Variants in AAK1 observed in about 807,000 individuals in gnomAD.
The protein encoded by AAK1 is AP2 associated kinase 1.
In AAK1, 37 loss-of-function variants were observed where a neutral mutation model predicts 116.0. The observed-to-expected ratio is 0.32, with a 90% CI of 0.25 to 0.42. AAK1 has a LOEUF of 0.42. Ranked by LOEUF, AAK1 falls within the 10% of genes least tolerant of loss-of-function variation. The pLI is 1.00. For missense variants in AAK1, 919 were observed against 1,170.6 expected, an observed-to-expected ratio of 0.79 and a Z score of 3.14; for synonymous variants, 458 against 439.9, an observed-to-expected ratio of 1.04 and a Z score of -0.51.
At chr2:69,527,512 C>T (rs1670073873) in intron 8 of AAK1, among the ~76,000 whole-genome samples, 193 bp from the exon 9 acceptor site, 1 of 151,922 alleles carries the variant, frequency 6.6e-6, no homozygotes, top group Non-Finnish European at 1.5e-5. Flanking sequence ...ATTTAATATC[C>T]ATAAGAAAAT....
At chr2:69,618,480 T>C (rs1674439157) in intron 2 of AAK1, among the ~76,000 whole-genome samples, 2 of 152,196 alleles carry the variant, frequency 1.3e-5, no homozygotes. Flanking sequence ...ATGCCATATT[T>C]TCCTACGCCT....
rs1674786848 is a variant in AAK1, at chr2:69,474,624, T to C, written c.*1245A>G. 4.1e-6 allele frequency: 4 copies of C among 985,586 alleles called. No individual in the cohort carries two copies. The highest frequency in any genetic ancestry group is 4.8e-6 in the Non-Finnish European group (4 of 829,910). The allele number at this position is 985,586 out of a possible 1,614,324, so 61.1% of individuals were successfully genotyped here. On this transcript the variant is annotated 3_prime_UTR_variant, in exon 22 of 22. Transcript: ENST00000409085. ...TCAATTTAAACATCAGAAAGAAAGG[T>C]AAGCTGGGCACACCCAGATTGTGTC...
At chr2:69,544,654 T>A in intron 3 of AAK1, 110 bp from the exon 4 acceptor site, 1 of 794,466 alleles carries the variant, frequency 1.3e-6, no homozygotes, top group Admixed American at 2.5e-5. Flanking sequence ...TGATACAGTG[T>A]TGACAGAGAA....
intron 14 of AAK1, 145 bp downstream of exon 14, chr2:69,509,086 A>T: frequency 1.4e-6 from 1 of 695,916 alleles, no homozygotes; most frequent in Non-Finnish European, 2.4e-6. Flanking sequence ...AAAATAAACA[A>T]ACCAGAAAAA....
intron 2 of AAK1, among the ~76,000 whole-genome samples, chr2:69,640,826 A>C (rs933405830): frequency 3.9e-5 from 6 of 152,066 alleles, no homozygotes; most frequent in Non-Finnish European, 7.4e-5. Context: ...GCTCCCTAAA[A>C]CTGGGGGCCA....
intron 7 of AAK1, 75 bp from the exon 8 acceptor site, chr2:69,530,215 G>T (rs1188905170): frequency 7.0e-7 from 1 of 1,433,576 alleles, no homozygotes; most frequent in African/African-American, 1.4e-5. Flanking sequence ...TGAGAAACTG[G>T]CACCATCCAC....
chr2:69,504,677 G>A (rs181618018), intron 16 of AAK1, among the ~76,000 whole-genome samples: 1 of 152,074 alleles, frequency 6.6e-6, no homozygotes, highest in South Asian at 2.1e-4. Context: ...TGAGGCGGGA[G>A]AATCACTTGA....
intron 12 of AAK1, among the ~76,000 whole-genome samples, chr2:69,518,642 C>T (rs1365840585): frequency 6.6e-6 from 1 of 152,078 alleles, no homozygotes; most frequent in African/African-American, 2.4e-5. Context: ...TGGTCTCGAT[C>T]TCTTGACCTC....
intron 8 of AAK1, among the ~76,000 whole-genome samples, chr2:69,527,535 T>C (rs1422543111): frequency 6.6e-6 from 1 of 152,162 alleles, no homozygotes; most frequent in African/African-American, 2.4e-5. Flanking sequence ...AATATATAGA[T>C]TGTAACAAAG....
chr2:69,518,991 C>A lies in AAK1; in HGVS notation c.1460G>T (p.Gly487Val), dbSNP rs759829251. 1.3e-6 allele frequency: 2 copies of A among 1,549,586 alleles called. No individual in the cohort carries two copies. The highest frequency in any genetic ancestry group is 1.7e-6 in the Non-Finnish European group (2 of 1,146,692). Reference protein sequence around the residue: ...QPPPAQQQPAGTFYQQQQAQT... With the variant: ...QPPPAQQQPAVTFYQQQQAQT... The stretch of plus-strand genomic sequence containing the variant: ...GGCCTGCTGCTGCTGGTAAAACGTG[C>A]CTGCCGGCTGCTGCTGTGCTGGCGG... The change falls in exon 12 of 22, where the codon GGC becomes GTC. Residue 487 changes from glycine to valine, a missense_variant. Physicochemically the swap from Gly to Val is moderately radical, Grantham distance 109. This residue lies in a region of AAK1 where 214 missense variants were observed against 210.6 expected (regional missense o/e 1.02). Transcript: ENST00000409085.
At chr2:69,583,851 C>G (rs1056709032) in intron 2 of AAK1, among the ~76,000 whole-genome samples, 2 of 152,086 alleles carry the variant, frequency 1.3e-5, no homozygotes, top group Admixed American at 1.3e-4. Context: ...TTTCAAGCTA[C>G]GGATCTTCAT....
In AAK1 at chr2:69,470,359, G is replaced by A. The variant is rs1674634184; in HGVS notation, c.*5510C>T. ...AAACGTAAAATTTTAGAACCAAACT[G>A]GGGAAATCAAGAGACGTACATCAAA... On this transcript the variant is annotated 3_prime_UTR_variant, in exon 22 of 22. Coordinates refer to ENST00000409085, the MANE Select transcript of AAK1 (RefSeq NM_014911.5). The A allele has an allele frequency of 2.0e-6, 2 of 985,268 alleles. No individual in the cohort carries two copies. Among genetic ancestry groups the A allele is most frequent in the Non-Finnish European group, 2.4e-6 (2 of 829,942 alleles). The allele number at this position is 985,268 out of a possible 1,614,324, so 61.0% of individuals were successfully genotyped here.
chr2:69,643,708 C>A lies in AAK1; in HGVS notation c.-368G>T, dbSNP rs1360480754. ...GCCGCGCTCGGCTCCCGCCCGCCCG[C>A]CAGCTGATCCCGGGAGCGCCGGGCG... is the stretch of plus-strand genomic sequence containing the variant. On this transcript the variant is annotated 5_prime_UTR_variant, in exon 1 of 22. Transcript: ENST00000409085. 5 of 1,215,532 alleles carry A rather than the reference C, an allele frequency of 4.1e-6. No homozygotes were observed. In the East Asian group the frequency reaches 1.3e-4, roughly 32 times the overall value. The allele number at this position is 1,215,532 out of a possible 1,614,324, so 75.3% of individuals were successfully genotyped here.
At chr2:69,500,873 G>A (rs1240849811) in intron 16 of AAK1, among the ~76,000 whole-genome samples, 5 of 151,580 alleles carry the variant, frequency 3.3e-5, no homozygotes, top group African/African-American at 2.4e-5. Flanking sequence ...TTAAAACTGG[G>A]GTTGGTAGGG....
chr2:69,589,583 C>T (rs561482389), intron 2 of AAK1, among the ~76,000 whole-genome samples: 28 of 152,058 alleles, frequency 1.8e-4, no homozygotes, highest in Non-Finnish European at 3.8e-4. Context: ...ATGGCGCATG[C>T]CTGTAATCCC....
chr2:69,517,668 C>T (rs6748361), intron 12 of AAK1, among the ~76,000 whole-genome samples: 78,680 of 151,050 alleles, frequency 0.52, 22,032 homozygotes, highest in East Asian at 0.77. Context: ...ACACGGAAGA[C>T]GGTCAGACAC....
At chr2:69,640,053 A>ACACACACACACACT (rs1343518565) in intron 2 of AAK1, among the ~76,000 whole-genome samples, 1 of 92,742 alleles carries the variant, frequency 1.1e-5, no homozygotes, top group Non-Finnish European at 2.1e-5. Flanking sequence ...ACACACACAC[A>ACACACACACACACT]CTCTCTCTCT....
chr2:69,610,714 AAGATATACAAATG>A (rs1674041243), intron 2 of AAK1, among the ~76,000 whole-genome samples: 1 of 152,376 alleles, frequency 6.6e-6, no homozygotes, highest in South Asian at 2.1e-4. Flanking sequence ...TTCTCCAAAG[AAGATATACAAATG>A]AGATATACAA....
chr2:69,638,601 G>A (rs1184866425), intron 2 of AAK1, among the ~76,000 whole-genome samples: 1 of 152,114 alleles, frequency 6.6e-6, no homozygotes, highest in Non-Finnish European at 1.5e-5. Context: ...TTGATTCTGG[G>A]GAGGAAATGT....
Sources: allele counts gnomAD v4.1 joint callset (sites outside exome capture counted in the v4.1 genomes callset), GRCh38; gene constraint gnomAD v4.1.1; regional missense constraint gnomAD v4.1.1; transcripts MANE v1.5; gene names NCBI Gene and HGNC (gene_info 2026-07-23, HGNC 2026-07-21).